Variants in RRM2B observed in about 807,000 individuals in gnomAD.
RRM2B encodes ribonucleotide reductase regulatory TP53 inducible subunit M2B.
A neutral mutation model predicts 45.9 loss-of-function variants in RRM2B; 20 were observed. The ratio of observed to expected loss-of-function variants is 0.44; its 90% CI spans 0.31 to 0.63. RRM2B has a LOEUF of 0.63. Among genes scored for constraint, RRM2B ranks in the 30% least tolerant of loss-of-function variants. The probability of loss-of-function intolerance (pLI) is 0.09; values close to 1 mark genes in which losing one functional copy is unlikely to be tolerated. For synonymous variants in RRM2B, 124 were observed against 132.3 expected, an observed-to-expected ratio of 0.94 and a Z score of 0.43; for missense variants, 320 against 414.7, an observed-to-expected ratio of 0.77 and a Z score of 1.98.
In RRM2B at chr8:102,211,845, C is replaced by T. The variant is rs117769868; in HGVS notation, c.903+931G>A. Among the ~76,000 whole-genome samples the T allele has an allele frequency of 8.0e-3, 1,216 of 152,220 alleles. 6 individuals are homozygous for T. Among genetic ancestry groups the T allele is most frequent in the Non-Finnish European group, 0.014 (943 of 67,996 alleles). On this transcript the variant is annotated intron_variant, in intron 8 of 8. Transcript: ENST00000251810. ...CCAAAAAAACCTACGCCCCACTTGACTTTTTCATTAAGTACCTGGGTGGTT... is the reference window on the plus strand; with the variant it reads ...CCAAAAAAACCTACGCCCCACTTGATTTTTTCATTAAGTACCTGGGTGGTT...
chr8:102,233,639 C>T (rs1811071709), intron 1 of RRM2B, among the ~76,000 whole-genome samples: 1 of 152,180 alleles, frequency 6.6e-6, no homozygotes, highest in African/African-American at 2.4e-5. Flanking sequence ...CACATCACCC[C>T]AAAGGTCTGG....
intron 7 of RRM2B, among the ~76,000 whole-genome samples, chr8:102,213,812 A>G (rs1054227847): frequency 1.3e-5 from 2 of 152,204 alleles, no homozygotes; most frequent in Non-Finnish European, 2.9e-5. Context: ...AGACAGAAAA[A>G]TAGCCCTGAA....
intron 8 of RRM2B, among the ~76,000 whole-genome samples, chr8:102,209,684 G>A (rs915970671): frequency 6.6e-6 from 1 of 152,146 alleles, no homozygotes; most frequent in African/African-American, 2.4e-5. Flanking sequence ...GTAAATGAAC[G>A]TTCATAGTAG....
rs557867233 is a variant in RRM2B at position 102,208,024 on chromosome 8, G to A, written c.*109C>T. 67 of 862,354 alleles carry A rather than the reference G, an allele frequency of 7.8e-5. No homozygotes were observed. In the Admixed American group the frequency reaches 1.6e-3, roughly 20 times the overall value. 53.4% of individuals were successfully genotyped at this position (862,354 alleles called of 1,614,324 possible). A position where few individuals can be genotyped will look rare whatever the true frequency, so the allele number is the denominator to read the frequency against. The stretch of plus-strand genomic sequence containing the variant: ...GAATAGGTTTTGGATTTCCTTTTGA[G>A]CAAACCCCCAGTCCTTTAAAGGATA... On this transcript the variant is annotated 3_prime_UTR_variant, in exon 9 of 9. Transcript: ENST00000251810.
At chr8:102,235,438 C>T (rs1163109298) in intron 1 of RRM2B, among the ~76,000 whole-genome samples, 1 of 152,204 alleles carries the variant, frequency 6.6e-6, no homozygotes, top group Non-Finnish European at 1.5e-5. Context: ...TTGCTTCTCA[C>T]ATTAGATGTT....
intron 8 of RRM2B, among the ~76,000 whole-genome samples, chr8:102,211,953 G>A (rs1242346336): frequency 6.6e-6 from 1 of 152,018 alleles, no homozygotes; most frequent in Non-Finnish European, 1.5e-5. Flanking sequence ...GATTTCATAA[G>A]GATTCTCATT....
At chr8:102,221,282 G>C (rs1563663565) in intron 5 of RRM2B, among the ~76,000 whole-genome samples, 1 of 152,116 alleles carries the variant, frequency 6.6e-6, no homozygotes, top group Non-Finnish European at 1.5e-5. Flanking sequence ...GCTTATAAGA[G>C]TCTGGATATA....
intron 5 of RRM2B, among the ~76,000 whole-genome samples, chr8:102,220,339 C>T (rs1383962838): frequency 5.9e-5 from 9 of 152,124 alleles, no homozygotes; most frequent in African/African-American, 1.4e-4. Context: ...CTTATTGATA[C>T]GTTTTTAATT....
At chr8:102,210,791 G>A (rs551222525) in intron 8 of RRM2B, among the ~76,000 whole-genome samples, 3 of 151,828 alleles carry the variant, frequency 2.0e-5, no homozygotes, top group Non-Finnish European at 4.4e-5. Flanking sequence ...GTAGAGATAG[G>A]GTCTTGCTAT....
At chr8:102,217,056 A>T (rs1810742373) in intron 6 of RRM2B, among the ~76,000 whole-genome samples, 1 of 152,144 alleles carries the variant, frequency 6.6e-6, no homozygotes, top group Non-Finnish European at 1.5e-5. Context: ...TATTCATTTT[A>T]TACTATAGTA....
At position 102,215,944 on chromosome 8, in the gene RRM2B, CAA is replaced by C. The variant is rs60059243; in HGVS notation, c.685-1788_685-1787del. On this transcript the variant is annotated intron_variant, in intron 6 of 8. Transcript: ENST00000251810. ...TGGGTGACAGAGAAAGACCCTGTCT[CAA>C]AAAAAAAAAAAAAAAAAAAAGAATA... Among the ~76,000 whole-genome samples the C allele has an allele frequency of 5.3e-3, 401 of 75,682 alleles. 1 individual carries two copies. Among genetic ancestry groups the C allele is most frequent in the African/African-American group, 0.015 (263 of 17,256 alleles). The allele number at this position is 75,682 out of a possible 152,430, so 49.7% of individuals were successfully genotyped here. A position where few individuals can be genotyped will look rare whatever the true frequency, so the allele number is the denominator to read the frequency against.
chr8:102,224,785 A>C, intron 4 of RRM2B, 100 bp downstream of exon 4: 1 of 1,214,220 alleles, frequency 8.2e-7, no homozygotes. Flanking sequence ...AAACTTCCAT[A>C]CTTGAATAAT....
At chr8:102,229,273 AC>A (rs1264809784) in intron 2 of RRM2B, among the ~76,000 whole-genome samples, 1 of 145,150 alleles carries the variant, frequency 6.9e-6, no homozygotes, top group African/African-American at 2.6e-5. Flanking sequence ...AACAACAACA[AC>A]AAAAAAAAAA....
rs887463345 is a variant in RRM2B, at chr8:102,205,901, A to C, written c.*2232T>G. On this transcript the variant is annotated 3_prime_UTR_variant, in exon 9 of 9. Transcript: ENST00000251810. ...GTCAGTATTAAGACTTCTTCATCCAAATCCAGTTAGGTTTATTGCTATTAT... is the reference window on the plus strand; with the variant it reads ...GTCAGTATTAAGACTTCTTCATCCACATCCAGTTAGGTTTATTGCTATTAT... 3.9e-5 allele frequency: 6 copies of C among 152,104 alleles called. No individual in the cohort carries two copies. Among genetic ancestry groups the C allele is most frequent in the African/African-American group, 1.4e-4 (6 of 41,454 alleles). 9.4% of individuals were successfully genotyped at this position (152,104 alleles called of 1,614,324 possible). A position where few individuals can be genotyped will look rare whatever the true frequency, so the allele number is the denominator to read the frequency against.
intron 6 of RRM2B, 123 bp downstream of exon 6, chr8:102,218,691 A>AT: frequency 1.3e-6 from 1 of 797,866 alleles, no homozygotes; most frequent in Non-Finnish European, 2.0e-6. Context: ...GTGCCACTGT[A>AT]TGCCAGCCTG....
At chr8:102,238,508 G>C in intron 1 of RRM2B, 1 of 1,407,132 alleles carries the variant, frequency 7.1e-7, no homozygotes, top group South Asian at 1.3e-5. Flanking sequence ...TCCAAAACAG[G>C]GAAGGAGGGT....
chr8:102,218,742 A>T, intron 6 of RRM2B, 72 bp downstream of exon 6: 23 of 1,268,184 alleles, frequency 1.8e-5, no homozygotes, highest in Non-Finnish European at 2.4e-5. Flanking sequence ...AAAAAAAAAA[A>T]GATGGAAAAG....
Position 102,206,153 on chromosome 8 carries a change from T to A in RRM2B, c.*1980A>T, listed in dbSNP as rs1327045060. ...TATTTTGATACTTTAATATATATAT[T>A]TAAAGTATATTCAATTAATGAGGAA... On this transcript the variant is annotated 3_prime_UTR_variant, in exon 9 of 9. Transcript: ENST00000251810. 1.3e-5 allele frequency: 2 copies of A among 152,022 alleles called. No individual in the cohort carries two copies. Among genetic ancestry groups the A allele is most frequent in the African/African-American group, 4.8e-5 (2 of 41,428 alleles). The allele number at this position is 152,022 out of a possible 1,614,324, so 9.4% of individuals were successfully genotyped here.
intron 6 of RRM2B, among the ~76,000 whole-genome samples, chr8:102,217,284 T>C (rs1047264521): frequency 1.6e-4 from 24 of 152,176 alleles, no homozygotes; most frequent in African/African-American, 5.3e-4. Context: ...GAATTAAATG[T>C]AGAAAAAAAG....
Sources: allele counts gnomAD v4.1 joint callset (sites outside exome capture counted in the v4.1 genomes callset), GRCh38; gene constraint gnomAD v4.1.1; transcripts MANE v1.5; gene names NCBI Gene and HGNC (gene_info 2026-07-23, HGNC 2026-07-21).